NARS2: variants seen among roughly 807,000 people sequenced by gnomAD.
NARS2 encodes asparaginyl-tRNA synthetase 2, mitochondrial.
In NARS2, 60 loss-of-function variants were observed where a neutral mutation model predicts 62.9. That is an observed-to-expected ratio of 0.95 (90% confidence interval 0.77 to 1.18). NARS2 has a LOEUF of 1.18. Ranked by LOEUF, NARS2 falls within the 50% of genes most tolerant of loss-of-function variation. The pLI is 0.00. For missense variants in NARS2, 619 were observed against 576.4 expected, an observed-to-expected ratio of 1.07 and a Z score of -0.76; for synonymous variants, 196 against 200.0, an observed-to-expected ratio of 0.98 and a Z score of 0.17.
chr11:78,483,126 C>T (rs1859429039), intron 7 of NARS2, among the ~76,000 whole-genome samples: 1 of 152,142 alleles, frequency 6.6e-6, no homozygotes. Flanking sequence ...TAAACAGAAC[C>T]AATGACAAAA....
At chr11:78,477,437 G>GA (rs796866336) in intron 9 of NARS2, among the ~76,000 whole-genome samples, 7 of 151,790 alleles carry the variant, frequency 4.6e-5, no homozygotes, top group African/African-American at 1.2e-4. Flanking sequence ...AGCTGTAGGA[G>GA]AAAAAAAACC....
chr11:78,532,493 G>C (rs1411754396), intron 5 of NARS2, among the ~76,000 whole-genome samples: 1 of 152,102 alleles, frequency 6.6e-6, no homozygotes, highest in Non-Finnish European at 1.5e-5. Flanking sequence ...AGACTCAAAT[G>C]GCTAATGTGA....
intron 7 of NARS2, among the ~76,000 whole-genome samples, chr11:78,479,668 T>C (rs1402124414): frequency 1.3e-5 from 2 of 152,228 alleles, no homozygotes; most frequent in African/African-American, 4.8e-5. Context: ...AAGACAATAT[T>C]ACGTCTTCTA....
chr11:78,530,989 G>T (rs1018438356), intron 5 of NARS2, among the ~76,000 whole-genome samples: 4 of 151,736 alleles, frequency 2.6e-5, no homozygotes, highest in African/African-American at 4.8e-5. Flanking sequence ...ACTTCCCTTT[G>T]TATTATCACC....
chr11:78,455,177 A>G (rs890943567), intron 11 of NARS2, among the ~76,000 whole-genome samples: 5 of 152,068 alleles, frequency 3.3e-5, no homozygotes, highest in African/African-American at 1.2e-4. Flanking sequence ...TCTGTTTTTT[A>G]CTGGATAAAG....
chr11:78,504,437 T>TGG (rs1555025738), intron 6 of NARS2, among the ~76,000 whole-genome samples: 1,628 of 20,994 alleles, frequency 0.078, 35 homozygotes, highest in African/African-American at 0.097. Context: ...AACACCAGTT[T>TGG]TTTTTTTTTT....
At chr11:78,444,101 G>A (rs1488277616) in intron 11 of NARS2, 1 of 164,274 alleles carries the variant, frequency 6.1e-6, no homozygotes, top group Non-Finnish European at 1.3e-5. Flanking sequence ...CATTTATAAA[G>A]TATAATTACA....
intron 5 of NARS2, among the ~76,000 whole-genome samples, chr11:78,549,567 T>C (rs1856016066): frequency 6.6e-6 from 1 of 152,200 alleles, no homozygotes; most frequent in Non-Finnish European, 1.5e-5. Flanking sequence ...CAGAAACAGC[T>C]GGGAAGAGCC....
intron 7 of NARS2, among the ~76,000 whole-genome samples, chr11:78,489,864 G>T (rs1455568754): frequency 6.6e-6 from 1 of 151,934 alleles, no homozygotes; most frequent in Non-Finnish European, 1.5e-5. Flanking sequence ...AGACCAGCGT[G>T]GGTAACACAG....
intron 11 of NARS2, among the ~76,000 whole-genome samples, chr11:78,464,849 T>C (rs1858549970): frequency 6.6e-6 from 1 of 152,206 alleles, no homozygotes. Flanking sequence ...TTACAATCTC[T>C]TAGCTAGACA....
At chr11:78,474,078 G>C (rs1056298794) in intron 9 of NARS2, among the ~76,000 whole-genome samples, 4 of 152,102 alleles carry the variant, frequency 2.6e-5, no homozygotes, top group African/African-American at 9.7e-5. Context: ...CTACTTTCTA[G>C]TGAATTCAAC....
intron 6 of NARS2, among the ~76,000 whole-genome samples, chr11:78,508,038 A>G (rs1481247549): frequency 6.6e-6 from 1 of 152,164 alleles, no homozygotes; most frequent in Non-Finnish European, 1.5e-5. Flanking sequence ...AATCTTAATA[A>G]AAAAAGAACA....
chr11:78,478,046 G>C (rs1037612673), intron 9 of NARS2, among the ~76,000 whole-genome samples: 9 of 152,090 alleles, frequency 5.9e-5, no homozygotes, highest in African/African-American at 2.2e-4. Flanking sequence ...TTAGTTTTCT[G>C]TTCCTGAATT....
At position 78,469,832 on chromosome 11, in the gene NARS2, G is replaced by A. The variant is rs73504957; in HGVS notation, c.960-519C>T. Among the ~76,000 whole-genome samples, 902 of 152,156 alleles carry A rather than the reference G, an allele frequency of 5.9e-3. 8 individuals are homozygous for A. The highest frequency in any genetic ancestry group is 0.021 in the African/African-American group (865 of 41,502). ...CAGATAAATAAACAAGTAGCTATTCGTGCTATGAAGAAAAATAAAGTGGAA... is the reference window on the plus strand; with the variant it reads ...CAGATAAATAAACAAGTAGCTATTCATGCTATGAAGAAAAATAAAGTGGAA... On this transcript the variant is annotated intron_variant, in intron 9 of 13. Transcript: ENST00000281038.
chr11:78,520,925 G>A (rs1341060121), intron 6 of NARS2, among the ~76,000 whole-genome samples: 1 of 152,028 alleles, frequency 6.6e-6, no homozygotes, highest in Non-Finnish European at 1.5e-5. Context: ...AGGTGTGGTG[G>A]TGGACACCTG....
In NARS2 at chr11:78,452,861, C is replaced by T. The variant is rs540062446; in HGVS notation, c.1165-9103G>A. On this transcript the variant is annotated intron_variant, in intron 11 of 13. Coordinates refer to ENST00000281038, the MANE Select transcript of NARS2 (RefSeq NM_024678.6). ...TTAAAAGTCCTTCTGAATGGACAATCGTCTGTACTTTATGGAAAAAGATAT... is the reference window on the plus strand; with the variant it reads ...TTAAAAGTCCTTCTGAATGGACAATTGTCTGTACTTTATGGAAAAAGATAT... 1.4e-4 allele frequency among the ~76,000 whole-genome samples: 22 copies of T among 152,216 alleles called. No homozygotes were observed. The East Asian group carries it at 1.5e-3, about 11-fold the overall frequency.
rs568640614 is a variant in NARS2, at chr11:78,551,680, G to A, written c.594+7859C>T. ...AGCCTGGTCAAGATGGTGAAATCCC[G>A]TCTCTACTAAAAATACAAAAATTAG... On this transcript the variant is annotated intron_variant, in intron 5 of 13. Transcript: ENST00000281038. 8.6e-5 allele frequency among the ~76,000 whole-genome samples: 13 copies of A among 151,854 alleles called. 1 individual carries two copies. The highest frequency in any genetic ancestry group is 3.9e-4 in the East Asian group (2 of 5,142).
chr11:78,476,359 T>A (rs1859095494), intron 9 of NARS2, among the ~76,000 whole-genome samples: 1 of 152,154 alleles, frequency 6.6e-6, no homozygotes, highest in African/African-American at 2.4e-5. Context: ...CTAGGAAGCA[T>A]CACAGAATGC....
intron 4 of NARS2, among the ~76,000 whole-genome samples, chr11:78,563,850 AAATATAT>A (rs1399340596): frequency 0.036 from 1,460 of 40,526 alleles, 187 homozygotes; most frequent in Non-Finnish European, 0.06. Flanking sequence ...AAAAAAAAAA[AAATATAT>A]ATATATATAT....
Sources: gnomAD v4.1 joint callset for allele counts (sites outside exome capture counted in the v4.1 genomes callset) on GRCh38, gnomAD v4.1.1 for gene constraint, MANE v1.5 for transcripts, NCBI Gene and HGNC (gene_info 2026-07-23, HGNC 2026-07-21) for gene names.